The following CFAP95 variants were observed in gnomAD, a reference collection of about 807,000 sequenced individuals.
The protein encoded by CFAP95 is cilia and flagella associated protein 95.
the CFAP95 span, among the ~76,000 whole-genome samples, chr9:69,887,727 GAGTTGAGGTGATC>G: frequency 5.3e-4 from 81 of 152,192 alleles, no homozygotes; most frequent in Non-Finnish European, 9.7e-4. Context: ...CCTCCATCTC[GAGTTGAGGTGATC>G]AGTAGAACAT....
chr9:69,839,858 C>T, the CFAP95 span, among the ~76,000 whole-genome samples: 6 of 150,776 alleles, frequency 4.0e-5, no homozygotes, highest in South Asian at 2.1e-4. Flanking sequence ...GGTGGATCAC[C>T]GAAGGTCAGG....
At chr9:69,862,759 G>A in the CFAP95 span, among the ~76,000 whole-genome samples, 20 of 152,314 alleles carry the variant, frequency 1.3e-4, no homozygotes, top group East Asian at 9.6e-4. Flanking sequence ...GATAATGTCC[G>A]TTACACAGAA....
chr9:69,834,615 C>T, the CFAP95 span, among the ~76,000 whole-genome samples: 1 of 152,142 alleles, frequency 6.6e-6, no homozygotes, highest in Non-Finnish European at 1.5e-5. Flanking sequence ...CCAATATTTT[C>T]CATAGGGCCT....
chr9:69,897,895 G>A, the CFAP95 span, among the ~76,000 whole-genome samples: 1 of 152,176 alleles, frequency 6.6e-6, no homozygotes. Flanking sequence ...GCCATGATCT[G>A]AGGAAGAAGA....
chr9:69,843,015 C>T, the CFAP95 span, among the ~76,000 whole-genome samples: 6 of 152,132 alleles, frequency 3.9e-5, no homozygotes, highest in Non-Finnish European at 7.4e-5. Context: ...CCTTTGGATT[C>T]GGTGCCCAAC....
chr9:69,831,814 G>C, the CFAP95 span, among the ~76,000 whole-genome samples: 1 of 152,078 alleles, frequency 6.6e-6, no homozygotes, highest in Non-Finnish European at 1.5e-5. Flanking sequence ...ATACGTGTGG[G>C]CATTTTTTGT....
At chr9:69,836,668 G>A in the CFAP95 span, among the ~76,000 whole-genome samples, 2 of 133,634 alleles carry the variant, frequency 1.5e-5, no homozygotes, top group East Asian at 2.3e-4. Flanking sequence ...AGACTGTTTT[G>A]TCACATTTTG....
chr9:69,882,334 G>C, the CFAP95 span, among the ~76,000 whole-genome samples: 169 of 152,240 alleles, frequency 1.1e-3, 1 homozygote, highest in Middle Eastern at 0.02. Context: ...TTGTTTATCA[G>C]TATAGTTTCT....
At chr9:69,841,331 T>C in the CFAP95 span, among the ~76,000 whole-genome samples, 15 of 151,656 alleles carry the variant, frequency 9.9e-5, no homozygotes, top group African/African-American at 3.6e-4. Context: ...TTCATTTGTG[T>C]GCTGCTGTAG....
the CFAP95 span, among the ~76,000 whole-genome samples, chr9:69,828,225 C>T: frequency 6.6e-6 from 1 of 152,132 alleles, no homozygotes; most frequent in Non-Finnish European, 1.5e-5. Context: ...TCTGGTGAAA[C>T]AGTCCTAATT....
the CFAP95 span, chr9:69,856,718 G>A: frequency 2.6e-5 from 36 of 1,375,268 alleles, no homozygotes; most frequent in African/African-American, 4.3e-5. Context: ...TGGACATGCA[G>A]AAAGGACTTG....
At chr9:69,864,740 T>G in the CFAP95 span, among the ~76,000 whole-genome samples, 1 of 152,150 alleles carries the variant, frequency 6.6e-6, no homozygotes, top group African/African-American at 2.4e-5. Context: ...TCTGAGACAT[T>G]AGCATCTATA....
chr9:69,897,958 T>C, the CFAP95 span, among the ~76,000 whole-genome samples: 2 of 152,160 alleles, frequency 1.3e-5, no homozygotes, highest in African/African-American at 4.8e-5. Context: ...TCTTAACCAA[T>C]CTTCTGAAAG....
chr9:69,836,572 G>C, the CFAP95 span, among the ~76,000 whole-genome samples: 1 of 151,580 alleles, frequency 6.6e-6, no homozygotes, highest in East Asian at 1.9e-4. Flanking sequence ...TCAATGTATT[G>C]TGAACTCAAT....
chr9:69,896,882 C>CT, the CFAP95 span, among the ~76,000 whole-genome samples: 1 of 151,894 alleles, frequency 6.6e-6, no homozygotes, highest in Non-Finnish European at 1.5e-5. Context: ...CATCAAGACT[C>CT]TGTCTCTGAA....
the CFAP95 span, among the ~76,000 whole-genome samples, chr9:69,901,454 C>G: frequency 6.6e-6 from 1 of 152,056 alleles, no homozygotes; most frequent in Non-Finnish European, 1.5e-5. Context: ...GGTTTTTTGT[C>G]CTTGCGATAA....
At chr9:69,865,242 T>C in the CFAP95 span, among the ~76,000 whole-genome samples, 1 of 152,182 alleles carries the variant, frequency 6.6e-6, no homozygotes, top group South Asian at 2.1e-4. Flanking sequence ...TGCCGAACTG[T>C]GAGTCAATTA....
At chr9:69,860,353 G>A in the CFAP95 span, among the ~76,000 whole-genome samples, 1 of 151,922 alleles carries the variant, frequency 6.6e-6, no homozygotes, top group African/African-American at 2.4e-5. Context: ...AGGGGAGGAG[G>A]TGCCAGGGTC....
At chr9:69,824,512 A>G in the CFAP95 span, among the ~76,000 whole-genome samples, 2 of 152,018 alleles carry the variant, frequency 1.3e-5, no homozygotes, top group Non-Finnish European at 2.9e-5. Flanking sequence ...TTTTTGTTTC[A>G]GCTCTCATAC....
Sources: gnomAD v4.1 joint callset for allele counts (sites outside exome capture counted in the v4.1 genomes callset) on GRCh38, gnomAD v4.1.1 for gene constraint, MANE v1.5 for transcripts, NCBI Gene and HGNC (gene_info 2026-07-23, HGNC 2026-07-21) for gene names.